Variants in PPP6R2 observed in about 807,000 individuals in gnomAD.
PPP6R2 encodes serine/threonine-protein phosphatase 6 regulatory subunit 2.
PPP6R2 carries 62 observed loss-of-function variants against 100.2 expected under a neutral mutation model. The observed-to-expected ratio is 0.62, with a 90% CI of 0.50 to 0.76. PPP6R2 has a LOEUF of 0.76. Among genes scored for constraint, PPP6R2 ranks in the 30% least tolerant of loss-of-function variants. The pLI is 0.00. For missense variants in PPP6R2, 1,142 were observed against 1,276.3 expected, an observed-to-expected ratio of 0.89 and a Z score of 1.60; for synonymous variants, 525 against 514.7, an observed-to-expected ratio of 1.02 and a Z score of -0.27.
At chr22:50,392,458 G>A (rs2055823211) in intron 2 of PPP6R2, among the ~76,000 whole-genome samples, 1 of 152,200 alleles carries the variant, frequency 6.6e-6, no homozygotes, top group Non-Finnish European at 1.5e-5. Flanking sequence ...AAGAGCTCCA[G>A]CTCTGGGCTC....
chr22:50,354,849 C>T (rs1469602142), intron 1 of PPP6R2, among the ~76,000 whole-genome samples: 1 of 149,992 alleles, frequency 6.7e-6, no homozygotes, highest in African/African-American at 2.5e-5. Flanking sequence ...GTTGTAAAAG[C>T]TGCTGCACCT....
chr22:50,431,141 TA>T lies in PPP6R2; in HGVS notation c.1126-30del. ...TGTAGCCGGCAGGAGAAAACCGATC[TA>T]AGAACTGTCTTCTGTCCTCTGTTTA... On this transcript the variant is annotated intron_variant, in intron 10 of 23. Transcript: ENST00000612753. The surrounding 1 kb of genome is among the most constrained non-coding windows in gnomAD (Gnocchi z 4.8). 6.4e-7 allele frequency: 1 copy of T among 1,554,396 alleles called. No homozygotes were observed. Among genetic ancestry groups the T allele is most frequent in the Non-Finnish European group, 8.9e-7 (1 of 1,128,856 alleles).
At chr22:50,350,938 C>T (rs1406793106) in intron 1 of PPP6R2, among the ~76,000 whole-genome samples, 2 of 149,786 alleles carry the variant, frequency 1.3e-5, no homozygotes, top group Non-Finnish European at 2.9e-5. Flanking sequence ...ACATCTTAAT[C>T]AGAGCTCTTG....
chr22:50,444,095 C>T lies in PPP6R2; in HGVS notation c.2809C>T (p.Leu937=). The change falls in exon 23 of 24, where the codon CTG becomes TTG. Residue 937 remains leucine, a synonymous_variant. Coordinates refer to ENST00000612753, the MANE Select transcript of PPP6R2 (RefSeq NM_001242898.2). ...AGCAGCCCCAGCCATGGTGGCCACC[C>T]TGGGGACAGTGACAAAGGACGGGTG... is the stretch of plus-strand genomic sequence containing the variant. The part of the protein sequence containing the change: ...VTAAPAMVAT[L]GTVTKDGKTD... 2 of 1,612,644 alleles carry T rather than the reference C, an allele frequency of 1.2e-6. No homozygotes were observed. Among genetic ancestry groups the T allele is most frequent in the Non-Finnish European group, 1.7e-6 (2 of 1,179,184 alleles).
In PPP6R2 at chr22:50,432,191, G is replaced by T. The variant is rs2076712; in HGVS notation, c.1336-74G>T. 0.34 allele frequency: 465,154 copies of T among 1,384,356 alleles called. 81,667 individuals carry two copies. The highest frequency in any genetic ancestry group is 0.63 in the East Asian group (25,069 of 39,914). The allele number at this position is 1,384,356 out of a possible 1,614,324, so 85.8% of individuals were successfully genotyped here. ...CGTGGCCGCCAGCCAGCCCTGCCCA[G>T]TCCAGGGATGGGTGGAGGGGTGCGT... On this transcript the variant is annotated intron_variant, in intron 11 of 23. Transcript: ENST00000612753.
chr22:50,410,303 G>A lies in PPP6R2; in HGVS notation c.414+3428G>A, dbSNP rs1015241118. On this transcript the variant is annotated intron_variant, in intron 4 of 23. Coordinates refer to ENST00000612753, the MANE Select transcript of PPP6R2 (RefSeq NM_001242898.2). ...GTGTAGCACAGCCACTTCCATTCCT[G>A]TGCACGCTGCCCGGGGCTCCTTTCA... 2.6e-4 allele frequency among the ~76,000 whole-genome samples: 40 copies of A among 152,178 alleles called. No homozygotes were observed. The Middle Eastern group carries it at 0.027, about 104-fold the overall frequency.
At chr22:50,338,454 GGTA>G (rs2042328122), upstream of PPP6R2, among the ~76,000 whole-genome samples, 1 of 129,092 alleles carries the variant, frequency 7.7e-6, no homozygotes, top group African/African-American at 3.5e-5. Context: ...TGTGGTGTGT[GGTA>G]TGTAGTGTGT....
intron 3 of PPP6R2, among the ~76,000 whole-genome samples, chr22:50,395,469 G>C (rs1009625251): frequency 1.3e-5 from 2 of 152,250 alleles, no homozygotes; most frequent in African/African-American, 4.8e-5. Context: ...GCCTCATTAG[G>C]AAGTGGGAGA....
chr22:50,416,334 C>CT (rs964316750), intron 6 of PPP6R2, among the ~76,000 whole-genome samples, 177 bp downstream of exon 6: 71 of 140,496 alleles, frequency 5.1e-4, no homozygotes, highest in Middle Eastern at 3.5e-3. Context: ...TTTTTTTTTT[C>CT]TTTTTTTTTT....
At chr22:50,385,332 A>C (rs779567950) in intron 2 of PPP6R2, among the ~76,000 whole-genome samples, 54 of 151,780 alleles carry the variant, frequency 3.6e-4, no homozygotes, top group Middle Eastern at 3.4e-3. Context: ...AGTAGCTGGG[A>C]TTACAGACAC....
intron 3 of PPP6R2, among the ~76,000 whole-genome samples, chr22:50,402,328 CTTTT>C (rs566570369): frequency 5.9e-5 from 8 of 134,990 alleles, no homozygotes; most frequent in African/African-American, 1.9e-4. Context: ...ACCCCAGTTT[CTTTT>C]TTTTTTTTTT....
intron 10 of PPP6R2, among the ~76,000 whole-genome samples, chr22:50,426,833 CA>C (rs71198248): frequency 1.0e-3 from 105 of 102,276 alleles, no homozygotes; most frequent in African/African-American, 1.7e-3. Flanking sequence ...GATTCTGTTT[CA>C]AAAAAAAAAA....
At chr22:50,415,859 G>A (rs1022979713) in intron 5 of PPP6R2, among the ~76,000 whole-genome samples, 2 of 152,168 alleles carry the variant, frequency 1.3e-5, no homozygotes, top group African/African-American at 4.8e-5. Flanking sequence ...GCTTACATAC[G>A]CACCATTAGG....
intron 3 of PPP6R2, among the ~76,000 whole-genome samples, chr22:50,398,821 G>A (rs1325386746): frequency 6.6e-6 from 1 of 152,168 alleles, no homozygotes; most frequent in African/African-American, 2.4e-5. Flanking sequence ...TTTTTTTGAG[G>A]CTAGTCAAAG....
chr22:50,335,500 T>TTTTTG, the PPP6R2 span, among the ~76,000 whole-genome samples: 35 of 149,588 alleles, frequency 2.3e-4, no homozygotes, highest in South Asian at 8.6e-4. Flanking sequence ...TGGCCCTTGT[T>TTTTTG]TTTTGTTTTG....
chr22:50,435,081 G>C lies in PPP6R2; in HGVS notation c.1516G>C (p.Gly506Arg). 6.5e-7 allele frequency: 1 copy of C among 1,538,138 alleles called. No homozygotes were observed. Among genetic ancestry groups the C allele is most frequent in the Non-Finnish European group, 8.8e-7 (1 of 1,140,098 alleles). Residue 506 changes from glycine to arginine, a missense_variant and splice_region_variant, in exon 13 of 24, where the codon GGG becomes CGG. Transcript: ENST00000612753. ...GACGCACATCAGCGAGGTCATCCGA[G>C]GTGAGCCCCCAACCCGGTCATCCTT... ...VQTHISEVIR[G>R]LPADCRGRWE...
In PPP6R2 at chr22:50,432,321, C is replaced by T. The variant is rs1038857604; in HGVS notation, c.1392C>T (p.Asp464=). ...TCCTGGAGGCCTGGGAAGCCAACGA[C>T]CACACGCAGTAAGAGCCGCTCGGAC... ...QRILEAWEAN[D]HTQAAGGMRR... The change falls in exon 12 of 24, where the codon GAC becomes GAT. Residue 464 remains aspartate, a synonymous_variant. Transcript: ENST00000612753. 1.9e-6 allele frequency: 3 copies of T among 1,549,182 alleles called. No individual in the cohort carries two copies. Among genetic ancestry groups the T allele is most frequent in the Middle Eastern group, 2.2e-4 (1 of 4,520 alleles).
chr22:50,412,378 G>A (rs895528037), intron 4 of PPP6R2, among the ~76,000 whole-genome samples: 2 of 151,384 alleles, frequency 1.3e-5, no homozygotes, highest in African/African-American at 4.8e-5. Flanking sequence ...TTTTAGTAGA[G>A]ACCATGTTGG....
intron 1 of PPP6R2, among the ~76,000 whole-genome samples, chr22:50,360,665 A>G (rs1490976262): frequency 6.6e-6 from 1 of 152,158 alleles, no homozygotes. Flanking sequence ...TTCCTGGCCC[A>G]GGAGATCTGT....
Sources: allele counts gnomAD v4.1 joint callset (sites outside exome capture counted in the v4.1 genomes callset), GRCh38; gene constraint gnomAD v4.1.1; non-coding constraint Gnocchi (gnomAD v3.1); transcripts MANE v1.5; gene names NCBI Gene and HGNC (gene_info 2026-07-23, HGNC 2026-07-21).